Variants in TC2N observed in about 807,000 individuals in gnomAD.
The protein encoded by TC2N is tandem C2 domains, nuclear.
Under a neutral mutation model 61.9 loss-of-function variants are expected in TC2N, and 51 were observed. That is an observed-to-expected ratio of 0.82 (90% confidence interval 0.66 to 1.04). TC2N has a LOEUF of 1.04. Among genes scored for constraint, TC2N ranks in the 50% least tolerant of loss-of-function variants. The pLI, the probability that TC2N is intolerant of heterozygous loss-of-function variation, is 0.00. For synonymous variants in TC2N, 204 were observed against 192.6 expected, an observed-to-expected ratio of 1.06 and a Z score of -0.49; for missense variants, 556 against 566.7, an observed-to-expected ratio of 0.98 and a Z score of 0.19.
At chr14:91,841,191 C>T (rs909710611) in intron 1 of TC2N, among the ~76,000 whole-genome samples, 1 of 152,186 alleles carries the variant, frequency 6.6e-6, no homozygotes, top group Non-Finnish European at 1.5e-5. Flanking sequence ...AAGAGGATGA[C>T]AGCACATGAA....
intron 3 of TC2N, among the ~76,000 whole-genome samples, chr14:91,807,024 G>A (rs938885911): frequency 6.6e-6 from 1 of 152,226 alleles, no homozygotes; most frequent in Non-Finnish European, 1.5e-5. Flanking sequence ...TACAGCTTGG[G>A]CCATGGCTTC....
intron 1 of TC2N, among the ~76,000 whole-genome samples, chr14:91,821,182 GA>G (rs990552632): frequency 1.3e-5 from 2 of 149,566 alleles, no homozygotes; most frequent in Non-Finnish European, 3.0e-5. Flanking sequence ...CAATCTTGGG[GA>G]AAAAAAAAGA....
At chr14:91,815,840 A>T (rs1005064702) in intron 1 of TC2N, among the ~76,000 whole-genome samples, 1 of 151,692 alleles carries the variant, frequency 6.6e-6, no homozygotes, top group Non-Finnish European at 1.5e-5. Flanking sequence ...CTGAAGGTGA[A>T]TCATTTCAAG....
chr14:91,845,691 A>C (rs911969242), intron 1 of TC2N, among the ~76,000 whole-genome samples: 2 of 152,362 alleles, frequency 1.3e-5, no homozygotes, highest in Middle Eastern at 3.4e-3. Context: ...AGCAGGCATC[A>C]GAAAGTGCAG....
At chr14:91,825,018 TTTC>T (rs1887427634) in intron 1 of TC2N, among the ~76,000 whole-genome samples, 1 of 143,764 alleles carries the variant, frequency 7.0e-6, no homozygotes, top group Non-Finnish European at 1.5e-5. Context: ...TAATTTTCTT[TTTC>T]TTTTCTTTTT....
At chr14:91,865,203 C>T (rs1888671079) in intron 1 of TC2N, among the ~76,000 whole-genome samples, 1 of 149,844 alleles carries the variant, frequency 6.7e-6, no homozygotes, top group Non-Finnish European at 1.5e-5. Flanking sequence ...GTGTTGACAC[C>T]TATTTTCTCA....
intron 6 of TC2N, 100 bp downstream of exon 6, chr14:91,798,889 A>G (rs1266211682): frequency 7.0e-6 from 5 of 718,442 alleles, no homozygotes; most frequent in Non-Finnish European, 1.1e-5. Flanking sequence ...CATAGTAGAT[A>G]CAATCATCTA....
At chr14:91,863,884 C>A (rs10129703) in intron 1 of TC2N, among the ~76,000 whole-genome samples, 30,040 of 150,262 alleles carry the variant, frequency 0.2, 3,275 homozygotes, top group African/African-American at 0.29. Flanking sequence ...AGTCCCAGCT[C>A]CTCGAAAGGC....
intron 1 of TC2N, among the ~76,000 whole-genome samples, chr14:91,849,368 C>T (rs757939183): frequency 3.3e-5 from 5 of 151,856 alleles, no homozygotes; most frequent in African/African-American, 1.2e-4. Flanking sequence ...TTGGTGGCCA[C>T]GTTTCCCAGG....
At chr14:91,849,605 A>G (rs769973162) in intron 1 of TC2N, among the ~76,000 whole-genome samples, 1 of 152,266 alleles carries the variant, frequency 6.6e-6, no homozygotes, top group Non-Finnish European at 1.5e-5. Context: ...TCACTTAAAC[A>G]CAAGAGATTT....
chr14:91,863,881 G>C (rs1888643215), intron 1 of TC2N, among the ~76,000 whole-genome samples: 1 of 149,594 alleles, frequency 6.7e-6, no homozygotes, highest in Non-Finnish European at 1.5e-5. Flanking sequence ...TGTAGTCCCA[G>C]CTCCTCGAAA....
chr14:91,804,691 T>C (rs898924127), intron 3 of TC2N, among the ~76,000 whole-genome samples: 1 of 152,144 alleles, frequency 6.6e-6, no homozygotes, highest in African/African-American at 2.4e-5. Context: ...TTATATTAAG[T>C]TCAGAAAACA....
intron 3 of TC2N, among the ~76,000 whole-genome samples, chr14:91,802,697 C>T (rs982749866): frequency 7.3e-5 from 11 of 151,724 alleles, no homozygotes; most frequent in Admixed American, 7.2e-4. Flanking sequence ...TCTGAGTTTC[C>T]TCTTATTTTT....
chr14:91,862,614 A>G (rs1214603274), intron 1 of TC2N, among the ~76,000 whole-genome samples: 1 of 152,216 alleles, frequency 6.6e-6, no homozygotes, highest in Non-Finnish European at 1.5e-5. Flanking sequence ...TGTGAGGAGC[A>G]CAAGGCAACT....
At chr14:91,811,360 G>GT (rs140029765) in intron 3 of TC2N, among the ~76,000 whole-genome samples, 4,713 of 149,172 alleles carry the variant, frequency 0.032, 234 homozygotes, top group African/African-American at 0.11. Context: ...TCACTATTAA[G>GT]TTTTTTTTTT....
chr14:91,809,238 C>T (rs1309657737), intron 3 of TC2N, among the ~76,000 whole-genome samples: 2 of 151,980 alleles, frequency 1.3e-5, no homozygotes, highest in South Asian at 4.2e-4. Flanking sequence ...TGATGAAACC[C>T]CATCTCTATA....
In TC2N at chr14:91,812,587, G is replaced by A. The variant is rs367570696; in HGVS notation, c.68-42C>T. The A allele has an allele frequency of 7.4e-5, 72 of 975,178 alleles. No individual in the cohort carries two copies. In the Middle Eastern group the frequency reaches 1.3e-3, roughly 17 times the overall value. 60.4% of individuals were successfully genotyped at this position (975,178 alleles called of 1,614,324 possible). A position where few individuals can be genotyped will look rare whatever the true frequency, so the allele number is the denominator to read the frequency against. On this transcript the variant is annotated intron_variant, in intron 2 of 11. Transcript: ENST00000435962. ...AAAAAAGTCACAAATATGAATATAG[G>A]TTACATATAATAATCTAAACCTAGC...
intron 1 of TC2N, among the ~76,000 whole-genome samples, chr14:91,824,500 C>A (rs1419580728): frequency 4.6e-5 from 7 of 152,218 alleles, no homozygotes. Flanking sequence ...AGCTAATTAA[C>A]TAAGCCAGAA....
chr14:91,816,619 T>G (rs988292004), intron 1 of TC2N, among the ~76,000 whole-genome samples: 2 of 151,890 alleles, frequency 1.3e-5, no homozygotes, highest in Non-Finnish European at 2.9e-5. Context: ...GTGTGTGTTA[T>G]ACAAATCATA....
Sources: allele counts gnomAD v4.1 joint callset (sites outside exome capture counted in the v4.1 genomes callset), GRCh38; gene constraint gnomAD v4.1.1; transcripts MANE v1.5; gene names NCBI Gene and HGNC (gene_info 2026-07-23, HGNC 2026-07-21).